Variants in MAPKAP1 observed in about 807,000 individuals in gnomAD.
The protein encoded by MAPKAP1 is target of rapamycin complex 2 subunit MAPKAP1.
In MAPKAP1, 20 loss-of-function variants were observed where a neutral mutation model predicts 65.7. The observed-to-expected ratio is 0.30, with a 90% CI of 0.21 to 0.44. The LOEUF is 0.44. Ranked by LOEUF, MAPKAP1 falls within the 20% of genes least tolerant of loss-of-function variation. The pLI, the probability that MAPKAP1 is intolerant of heterozygous loss-of-function variation, is 1.00. For synonymous variants in MAPKAP1, 222 were observed against 244.3 expected, an observed-to-expected ratio of 0.91 and a Z score of 0.85; for missense variants, 423 against 648.0, an observed-to-expected ratio of 0.65 and a Z score of 3.77.
chr9:125,516,020 T>C (rs1829451378), intron 7 of MAPKAP1, among the ~76,000 whole-genome samples: 1 of 152,168 alleles, frequency 6.6e-6, no homozygotes, highest in Non-Finnish European at 1.5e-5. Context: ...AAAAAAGATA[T>C]TAAAAAGCTA....
At chr9:125,461,045 G>T (rs1213794358) in intron 10 of MAPKAP1, among the ~76,000 whole-genome samples, 1 of 152,210 alleles carries the variant, frequency 6.6e-6, no homozygotes, top group Non-Finnish European at 1.5e-5. Context: ...AGTTCTCAGG[G>T]ACCTGGCCAA....
Position 125,534,703 on chromosome 9 carries a change from A to G in MAPKAP1, c.958+8356T>C, listed in dbSNP as rs1342433832. Among the ~76,000 whole-genome samples the G allele has an allele frequency of 1.3e-5, 2 of 152,186 alleles. 1 individual carries two copies. The highest frequency in any genetic ancestry group is 2.9e-5 in the Non-Finnish European group (2 of 68,034). On this transcript the variant is annotated intron_variant, in intron 7 of 11. Coordinates refer to ENST00000265960, the MANE Select transcript of MAPKAP1 (RefSeq NM_001006617.3). ...CTTCTTTCAATAGATCCCCTCTGCC[A>G]TCAGAATAAAGTTCATATTCAACAC...
chr9:125,639,138 G>A (rs1833506571), intron 4 of MAPKAP1, among the ~76,000 whole-genome samples: 1 of 152,218 alleles, frequency 6.6e-6, no homozygotes, highest in Admixed American at 6.5e-5. Context: ...CTACTGGGGA[G>A]CATGAGGCAG....
rs79700297 is a variant in MAPKAP1 at position 125,644,920 on chromosome 9, G to A, written c.498+12731C>T. ...GTATATCTAATTGAATATGAAAAATGTGTTTTTTTAATATATTCAAGAGCA... is the reference window on the plus strand; with the variant it reads ...GTATATCTAATTGAATATGAAAAATATGTTTTTTTAATATATTCAAGAGCA... On this transcript the variant is annotated intron_variant, in intron 4 of 11. Coordinates refer to ENST00000265960, the MANE Select transcript of MAPKAP1 (RefSeq NM_001006617.3). Among the ~76,000 whole-genome samples the A allele has an allele frequency of 1.7e-3, 265 of 152,154 alleles. 12 individuals are homozygous for A. The East Asian group carries it at 0.045, about 26-fold the overall frequency.
At chr9:125,649,479 C>A (rs1833828707) in intron 4 of MAPKAP1, among the ~76,000 whole-genome samples, 1 of 152,156 alleles carries the variant, frequency 6.6e-6, no homozygotes, top group South Asian at 2.1e-4. Context: ...GTGAGTCAGG[C>A]TGGGCATCTG....
chr9:125,551,887 C>T (rs1030372468), intron 6 of MAPKAP1, among the ~76,000 whole-genome samples: 7 of 152,218 alleles, frequency 4.6e-5, no homozygotes, highest in South Asian at 2.1e-4. Context: ...CACTCAAGAT[C>T]TCATTCTCCC....
chr9:125,630,211 G>A (rs915130737), intron 4 of MAPKAP1, among the ~76,000 whole-genome samples: 3 of 152,154 alleles, frequency 2.0e-5, no homozygotes, highest in East Asian at 1.9e-4. Context: ...CCGCAGCCTC[G>A]ACTTCCCCGG....
At chr9:125,695,308 T>A (rs1455018351) in intron 1 of MAPKAP1, among the ~76,000 whole-genome samples, 1 of 152,208 alleles carries the variant, frequency 6.6e-6, no homozygotes, top group Non-Finnish European at 1.5e-5. Flanking sequence ...GAGCATTCTA[T>A]CAATATAGTG....
intron 4 of MAPKAP1, among the ~76,000 whole-genome samples, chr9:125,589,473 T>C (rs1018470803): frequency 1.3e-5 from 2 of 152,200 alleles, no homozygotes; most frequent in African/African-American, 4.8e-5. Flanking sequence ...ATGACTCCAG[T>C]GCCTGCCAGG....
chr9:125,645,410 G>A (rs1208658902), intron 4 of MAPKAP1, among the ~76,000 whole-genome samples: 1 of 152,134 alleles, frequency 6.6e-6, no homozygotes, highest in African/African-American at 2.4e-5. Context: ...GACAAACATA[G>A]ATTTTTCTTT....
intron 10 of MAPKAP1, among the ~76,000 whole-genome samples, chr9:125,450,016 G>A (rs1191332871): frequency 3.3e-5 from 5 of 151,816 alleles, no homozygotes; most frequent in Non-Finnish European, 7.4e-5. Flanking sequence ...TCTGCCTGCT[G>A]GGTTCAAGCG....
chr9:125,682,510 A>C (rs1834854229), intron 1 of MAPKAP1, among the ~76,000 whole-genome samples: 1 of 152,180 alleles, frequency 6.6e-6, no homozygotes, highest in South Asian at 2.1e-4. Flanking sequence ...CACCACCCCC[A>C]AAACTTCAAA....
At chr9:125,611,495 C>G (rs1023378725) in intron 4 of MAPKAP1, among the ~76,000 whole-genome samples, 6 of 152,150 alleles carry the variant, frequency 3.9e-5, no homozygotes, top group African/African-American at 1.4e-4. Flanking sequence ...AAAAGAATAA[C>G]TGGTTCGGAG....
chr9:125,701,066 T>C (rs1835581032), intron 1 of MAPKAP1, among the ~76,000 whole-genome samples: 1 of 152,184 alleles, frequency 6.6e-6, no homozygotes, highest in African/African-American at 2.4e-5. Context: ...GCATTTTAGA[T>C]TTGAGTCATC....
intron 8 of MAPKAP1, among the ~76,000 whole-genome samples, chr9:125,487,615 T>TAAAAAAAAAAAA (rs35665829): frequency 7.9e-6 from 1 of 126,832 alleles, no homozygotes. Context: ...TGCCAATTAC[T>TAAAAAAAAAAAA]AAAAAAAAAA....
rs1303710120 is a variant in MAPKAP1, at chr9:125,437,539, AT to A, written c.*1347del. 6.6e-6 allele frequency: 1 copy of A among 152,606 alleles called. No individual in the cohort carries two copies. The highest frequency in any genetic ancestry group is 1.5e-5 in the Non-Finnish European group (1 of 68,042). The allele number at this position is 152,606 out of a possible 1,614,324, so 9.5% of individuals were successfully genotyped here. ...CAAATACAGATAGCAAGCTACAAAT[AT>A]TTCTTTTGTTTTTGGGTGGGGGGTA... On this transcript the variant is annotated 3_prime_UTR_variant, in exon 12 of 12. Coordinates refer to ENST00000265960, the MANE Select transcript of MAPKAP1 (RefSeq NM_001006617.3).
chr9:125,689,399 C>T (rs1249661723), intron 1 of MAPKAP1, among the ~76,000 whole-genome samples: 2 of 134,096 alleles, frequency 1.5e-5, no homozygotes, highest in African/African-American at 5.8e-5. Flanking sequence ...ATCGCCACTG[C>T]ACTCCAGCCT....
At chr9:125,632,237 A>AAAAAG (rs377716459) in intron 4 of MAPKAP1, among the ~76,000 whole-genome samples, 5 of 150,976 alleles carry the variant, frequency 3.3e-5, no homozygotes, top group Admixed American at 2.0e-4. Flanking sequence ...AAAAAAAAAA[A>AAAAAG]GAAGAAACTC....
rs762145267 is a variant in MAPKAP1, at chr9:125,447,380, G to T, written c.1346-2782C>A. The T allele has an allele frequency of 4.4e-6, 2 of 456,468 alleles. No individual in the cohort carries two copies. Among genetic ancestry groups the T allele is most frequent in the African/African-American group, 4.0e-5 (2 of 50,028 alleles). 28.3% of individuals were successfully genotyped at this position (456,468 alleles called of 1,614,324 possible). On this transcript the variant is annotated intron_variant, in intron 10 of 11. Transcript: ENST00000265960. The surrounding 1 kb of genome is among the most constrained non-coding windows in gnomAD (Gnocchi z 4.5). ...ACGTTCTGTGGAGCACTTGTGTTTG[G>T]ACTTGAACAATGACACAGCTGCAAA...
Sources: gnomAD v4.1 joint callset for allele counts (sites outside exome capture counted in the v4.1 genomes callset) on GRCh38, gnomAD v4.1.1 for gene constraint, Gnocchi (gnomAD v3.1) non-coding constraint, MANE v1.5 for transcripts, NCBI Gene and HGNC (gene_info 2026-07-23, HGNC 2026-07-21) for gene names.